The following KCNMA1 variants were observed in gnomAD, a reference collection of about 807,000 sequenced individuals.
The protein encoded by KCNMA1 is potassium calcium-activated channel subfamily M alpha 1.
KCNMA1 carries 29 observed loss-of-function variants against 140.0 expected under a neutral mutation model. The observed-to-expected ratio is 0.21, with a 90% confidence interval of 0.15 to 0.28. The LOEUF (loss-of-function observed/expected upper bound fraction) is 0.28. KCNMA1 is among the 10% of genes least tolerant of loss of function. The pLI, the probability that KCNMA1 is intolerant of heterozygous loss-of-function variation, is 1.00. For missense variants in KCNMA1, 880 were observed against 1,602.2 expected, an observed-to-expected ratio of 0.55 and a Z score of 7.70; for synonymous variants, 612 against 611.9, an observed-to-expected ratio of 1.00 and a Z score of 0.00.
chr10:77,166,448 CT>C (rs936947553), intron 5 of KCNMA1, among the ~76,000 whole-genome samples: 3 of 152,048 alleles, frequency 2.0e-5, no homozygotes, highest in African/African-American at 7.2e-5. Context: ...ATGAAATTTC[CT>C]CCAAAACACC....
chr10:77,272,084 C>G (rs2065312559), intron 2 of KCNMA1, among the ~76,000 whole-genome samples: 1 of 152,182 alleles, frequency 6.6e-6, no homozygotes, highest in African/African-American at 2.4e-5. Context: ...CAGCACTGGC[C>G]TGTCCCCTCA....
In KCNMA1 at chr10:77,027,756, G is replaced by A. The variant is rs1214665889; in HGVS notation, c.1928+67C>T. On this transcript the variant is annotated intron_variant, in intron 16 of 27. Coordinates refer to ENST00000286628, the MANE Select transcript of KCNMA1 (RefSeq NM_001161352.2). ...ATGCACAAGAAAGCAGAAGTGAACC[G>A]ACCGTTCTCAGAACGCACTCTCACC... is the stretch of plus-strand genomic sequence containing the variant. 14 of 1,263,596 alleles carry A rather than the reference G, an allele frequency of 1.1e-5. No individual in the cohort carries two copies. In the East Asian group the frequency reaches 1.4e-4, roughly 13 times the overall value. 78.3% of individuals were successfully genotyped at this position (1,263,596 alleles called of 1,614,324 possible).
intron 1 of KCNMA1, among the ~76,000 whole-genome samples, chr10:77,445,958 G>A (rs1343503917): frequency 6.6e-6 from 1 of 152,200 alleles, no homozygotes; most frequent in African/African-American, 2.4e-5. Flanking sequence ...AAGGCAGTGT[G>A]GGCTGGAGAG....
At chr10:77,424,520 T>A (rs956646849) in intron 1 of KCNMA1, among the ~76,000 whole-genome samples, 7 of 151,826 alleles carry the variant, frequency 4.6e-5, no homozygotes, top group Admixed American at 4.6e-4. Context: ...ATTCATTCAT[T>A]CATTCATTCA....
chr10:77,421,788 T>C (rs2154486176), intron 1 of KCNMA1, among the ~76,000 whole-genome samples: 1 of 152,374 alleles, frequency 6.6e-6, no homozygotes, highest in East Asian at 1.9e-4. Flanking sequence ...ATCAGTTTCC[T>C]AGAGACGGAA....
At chr10:77,331,933 GCTGCTA>G (rs887619490) in intron 2 of KCNMA1, among the ~76,000 whole-genome samples, 1 of 152,170 alleles carries the variant, frequency 6.6e-6, no homozygotes, top group African/African-American at 2.4e-5. Flanking sequence ...GGTTACCCAA[GCTGCTA>G]CTTCCTTTTT....
chr10:77,382,865 C>CAA (rs767673552), intron 2 of KCNMA1, among the ~76,000 whole-genome samples: 571 of 47,560 alleles, frequency 0.012, 50 homozygotes, highest in Non-Finnish European at 0.014. Context: ...AGCTCCGTCT[C>CAA]AAAAAAAAAA....
intron 5 of KCNMA1, among the ~76,000 whole-genome samples, chr10:77,151,591 C>T (rs912073224): frequency 6.6e-6 from 1 of 152,128 alleles, no homozygotes; most frequent in African/African-American, 2.4e-5. Context: ...ACAGAAAACT[C>T]CCTCCCTCCT....
intron 3 of KCNMA1, among the ~76,000 whole-genome samples, chr10:77,237,880 T>A (rs1463737757): frequency 6.6e-6 from 1 of 152,184 alleles, no homozygotes; most frequent in Non-Finnish European, 1.5e-5. Context: ...TCAGCCAGCA[T>A]TCTTTTCAAG....
chr10:77,583,708 A>G (rs886635328), intron 1 of KCNMA1, among the ~76,000 whole-genome samples: 3 of 152,168 alleles, frequency 2.0e-5, no homozygotes, highest in Non-Finnish European at 4.4e-5. Context: ...AGAGCAGATG[A>G]AGAGGAAGTG....
intron 14 of KCNMA1, among the ~76,000 whole-genome samples, chr10:77,064,685 C>T (rs1419061344): frequency 2.0e-5 from 3 of 152,116 alleles, no homozygotes; most frequent in Non-Finnish European, 4.4e-5. Flanking sequence ...AGTGGCACTG[C>T]GGGAGGCAGC....
At chr10:77,273,019 A>G (rs1341096504) in intron 2 of KCNMA1, among the ~76,000 whole-genome samples, 1 of 152,256 alleles carries the variant, frequency 6.6e-6, no homozygotes, top group Non-Finnish European at 1.5e-5. Flanking sequence ...TTCCTTTATC[A>G]GAAGTTACCA....
intron 20 of KCNMA1, among the ~76,000 whole-genome samples, chr10:76,967,315 G>A (rs931196537): frequency 2.0e-5 from 3 of 152,178 alleles, no homozygotes; most frequent in African/African-American, 7.2e-5. Context: ...TTCAGGTCAT[G>A]AGGAATAGGA....
chr10:77,220,631 G>A (rs961876829), intron 3 of KCNMA1, among the ~76,000 whole-genome samples: 12 of 152,178 alleles, frequency 7.9e-5, no homozygotes, highest in Admixed American at 1.3e-4. Context: ...AGACAAAAGG[G>A]GAGGAGATTG....
chr10:77,068,698 T>TTGTGTGTGTGTG (rs199660003), intron 14 of KCNMA1, among the ~76,000 whole-genome samples: 9,136 of 132,498 alleles, frequency 0.069, 465 homozygotes, highest in African/African-American at 0.1. Flanking sequence ...GTTCCAGGTT[T>TTGTGTGTGTGTG]TGTGTGTGTG....
chr10:77,020,183 G>A (rs1296380676), intron 16 of KCNMA1: 1 of 152,116 alleles, frequency 6.6e-6, no homozygotes, highest in Non-Finnish European at 1.5e-5. Flanking sequence ...CAGTCTAAAG[G>A]AAGTTCTCAG....
At chr10:77,418,400 A>G (rs2096790315) in intron 1 of KCNMA1, among the ~76,000 whole-genome samples, 1 of 152,154 alleles carries the variant, frequency 6.6e-6, no homozygotes, top group South Asian at 2.1e-4. Flanking sequence ...TTCCAAAATT[A>G]TATCAGGTTT....
chr10:77,255,324 G>T (rs1319801390), intron 2 of KCNMA1, among the ~76,000 whole-genome samples: 2 of 152,168 alleles, frequency 1.3e-5, no homozygotes, highest in African/African-American at 2.4e-5. Context: ...TAAGGGCAGG[G>T]TGCAGTGGCT....
chr10:76,968,885 G>A (rs1480524575), intron 20 of KCNMA1, among the ~76,000 whole-genome samples: 6 of 152,184 alleles, frequency 3.9e-5, no homozygotes, highest in Admixed American at 2.6e-4. Context: ...TGGATGTGGA[G>A]GGCCAGGAAC....
Sources: allele counts gnomAD v4.1 joint callset (sites outside exome capture counted in the v4.1 genomes callset), GRCh38; gene constraint gnomAD v4.1.1; transcripts MANE v1.5; gene names NCBI Gene and HGNC (gene_info 2026-07-23, HGNC 2026-07-21).